Variants in PIK3C2G observed in about 807,000 individuals in gnomAD.
PIK3C2G encodes phosphatidylinositol-4-phosphate 3-kinase catalytic subunit type 2 gamma, also known as phosphatidylinositol 3-kinase C2 domain-containing subunit gamma.
In PIK3C2G, 168 loss-of-function variants were observed where a neutral mutation model predicts 181.1. The observed-to-expected ratio is 0.93, with a 90% CI of 0.82 to 1.05. The LOEUF (loss-of-function observed/expected upper bound fraction) is 1.05. Ranked by LOEUF, PIK3C2G falls within the 50% of genes least tolerant of loss-of-function variation. The pLI, the probability that PIK3C2G is intolerant of heterozygous loss-of-function variation, is 0.00. For missense variants in PIK3C2G, 1,869 were observed against 1,732.8 expected (o/e 1.08, Z -1.40); for synonymous variants, 573 against 592.2 (o/e 0.97, Z 0.47).
chr12:18,336,745 T>G (rs1272912166), intron 8 of PIK3C2G, among the ~76,000 whole-genome samples: 1 of 152,204 alleles, frequency 6.6e-6, no homozygotes, highest in African/African-American at 2.4e-5. Flanking sequence ...TTGCATCTTT[T>G]TACTTTTAGC....
At chr12:18,261,796 G>A (rs996586847) in intron 1 of PIK3C2G, among the ~76,000 whole-genome samples, 1 of 151,988 alleles carries the variant, frequency 6.6e-6, no homozygotes, top group Non-Finnish European at 1.5e-5. Flanking sequence ...GATCTTTCCT[G>A]AATAAACTTA....
chr12:18,530,690 G>A (rs1386196921), intron 24 of PIK3C2G, among the ~76,000 whole-genome samples: 1 of 152,110 alleles, frequency 6.6e-6, no homozygotes, highest in African/African-American at 2.4e-5. Context: ...GATCATGGGG[G>A]TGGATTTAAC....
intron 24 of PIK3C2G, among the ~76,000 whole-genome samples, chr12:18,528,555 T>C (rs1287477814): frequency 5.3e-5 from 8 of 152,340 alleles, no homozygotes; most frequent in African/African-American, 9.6e-5. Flanking sequence ...TAAGCTTGCA[T>C]ACTTTTATTT....
chr12:18,501,257 A>C (rs536432473), intron 22 of PIK3C2G, among the ~76,000 whole-genome samples: 1 of 152,294 alleles, frequency 6.6e-6, no homozygotes, highest in Admixed American at 6.5e-5. Flanking sequence ...CAGGAAACTT[A>C]TATTCATGGC....
chr12:18,419,611 C>G (rs117216022), intron 16 of PIK3C2G, among the ~76,000 whole-genome samples: 11 of 152,300 alleles, frequency 7.2e-5, no homozygotes, highest in Non-Finnish European at 1.3e-4. Context: ...CTTTGCAATA[C>G]TTCACCAAAT....
chr12:18,282,700 C>T lies in PIK3C2G; in HGVS notation c.619C>T (p.Leu207Phe). 1.9e-6 allele frequency: 3 copies of T among 1,613,024 alleles called. No individual in the cohort carries two copies. Among genetic ancestry groups the T allele is most frequent in the Non-Finnish European group, 2.5e-6 (3 of 1,179,470 alleles). ...GAACATTGTGGAACCATCTTTGATG[C>T]TTTTGAAAGGCTCTCTTCAACCCGG... Reference protein sequence around the residue: ...HVNIVEPSLMLLKGSLQPGMW... With the variant: ...HVNIVEPSLMFLKGSLQPGMW... The change falls in exon 2 of 33, where the codon CTT becomes TTT. Residue 207 changes from leucine to phenylalanine, a missense_variant. Transcript: ENST00000538779.
intron 24 of PIK3C2G, among the ~76,000 whole-genome samples, chr12:18,533,380 C>T (rs368686003): frequency 6.6e-6 from 1 of 152,254 alleles, no homozygotes; most frequent in African/African-American, 2.4e-5. Flanking sequence ...GGCACCTCTT[C>T]TCCCTCTCAT....
chr12:18,312,442 T>A (rs1394055539), intron 5 of PIK3C2G, among the ~76,000 whole-genome samples: 1 of 151,938 alleles, frequency 6.6e-6, no homozygotes, highest in Non-Finnish European at 1.5e-5. Context: ...TTAAGTCACC[T>A]CCCATAGCAG....
At chr12:18,534,142 G>T (rs145053696) in intron 24 of PIK3C2G, among the ~76,000 whole-genome samples, 1,827 of 151,434 alleles carry the variant, frequency 0.012, 35 homozygotes, top group African/African-American at 0.042. Flanking sequence ...TAGAGATAGG[G>T]TTTCACCATG....
chr12:18,342,086 C>A (rs1419400890), intron 9 of PIK3C2G, among the ~76,000 whole-genome samples: 3 of 152,144 alleles, frequency 2.0e-5, no homozygotes, highest in South Asian at 4.2e-4. Flanking sequence ...TATGGTCTTG[C>A]ACATCATGGT....
intron 6 of PIK3C2G, 68 bp from the exon 7 acceptor site, chr12:18,320,894 G>C: frequency 5.0e-6 from 4 of 796,742 alleles, no homozygotes; most frequent in Non-Finnish European, 8.4e-6. Flanking sequence ...AGGAAGTTAC[G>C]GACCTATTTT....
chr12:18,550,578 G>A (rs778176301), intron 26 of PIK3C2G, among the ~76,000 whole-genome samples: 79 of 151,950 alleles, frequency 5.2e-4, no homozygotes, highest in Non-Finnish European at 8.8e-4. Context: ...GTGCTTCAAT[G>A]AGTGGCATTA....
chr12:18,490,078 G>A (rs1461925627), intron 19 of PIK3C2G, among the ~76,000 whole-genome samples: 1 of 151,986 alleles, frequency 6.6e-6, no homozygotes, highest in Non-Finnish European at 1.5e-5. Context: ...GGCTACTTTT[G>A]TACTTAAAAA....
chr12:18,550,303 C>T (rs1944658813), intron 26 of PIK3C2G, among the ~76,000 whole-genome samples: 1 of 151,974 alleles, frequency 6.6e-6, no homozygotes, highest in Non-Finnish European at 1.5e-5. Context: ...AATCCTTAAA[C>T]AATGAATAGA....
chr12:18,269,439 T>C (rs1948651639), intron 1 of PIK3C2G, among the ~76,000 whole-genome samples: 2 of 152,148 alleles, frequency 1.3e-5, no homozygotes, highest in South Asian at 4.1e-4. Context: ...CAGAGGGCAG[T>C]AATGAAACAT....
At chr12:18,602,026 A>G (rs758144167) in intron 30 of PIK3C2G, among the ~76,000 whole-genome samples, 8 of 152,178 alleles carry the variant, frequency 5.3e-5, no homozygotes, top group Non-Finnish European at 1.0e-4. Context: ...GAATGGGGCT[A>G]GAAGCCTCCT....
At chr12:18,552,715 A>G (rs542842482) in intron 26 of PIK3C2G, among the ~76,000 whole-genome samples, 377 of 152,258 alleles carry the variant, frequency 2.5e-3, no homozygotes, top group Non-Finnish European at 4.7e-3. Context: ...TGCAGATATA[A>G]CCACTTATAA....
At chr12:18,708,822 T>G in the PIK3C2G span, among the ~76,000 whole-genome samples, 2 of 152,156 alleles carry the variant, frequency 1.3e-5, no homozygotes, top group African/African-American at 2.4e-5. Context: ...TTTGGAGAAA[T>G]GCCTATTCAG....
chr12:18,395,533 G>C (rs1943829206), intron 15 of PIK3C2G, among the ~76,000 whole-genome samples: 2 of 146,958 alleles, frequency 1.4e-5, no homozygotes, highest in Non-Finnish European at 3.0e-5. Context: ...CATCAAGCTG[G>C]AAGAAAATCA....
Sources: allele counts gnomAD v4.1 joint callset (sites outside exome capture counted in the v4.1 genomes callset), GRCh38; gene constraint gnomAD v4.1.1; transcripts MANE v1.5; gene names NCBI Gene and HGNC (gene_info 2026-07-23, HGNC 2026-07-21).